GPHN: variants seen among roughly 807,000 people sequenced by gnomAD.
The protein encoded by GPHN is gephyrin.
A neutral mutation model predicts 95.5 loss-of-function variants in GPHN; 17 were observed. The observed-to-expected ratio is 0.18, with a 90% CI of 0.12 to 0.27. The LOEUF (loss-of-function observed/expected upper bound fraction) is 0.27, where lower values mean the gene tolerates loss of function less well. Ranked by LOEUF, GPHN falls within the 10% of genes least tolerant of loss-of-function variation. GPHN has a pLI of 1.00. For missense variants in GPHN, 660 were observed against 978.1 expected (o/e 0.67, Z 4.34); for synonymous variants, 320 against 322.5 (o/e 0.99, Z 0.08).
At chr14:66,519,170 TTA>T (rs2058373426) in intron 1 of GPHN, among the ~76,000 whole-genome samples, 1 of 152,012 alleles carries the variant, frequency 6.6e-6, no homozygotes, top group African/African-American at 2.4e-5. Context: ...TCCTGAATTC[TTA>T]TGTCATTCTT....
At chr14:67,240,359 T>C in the GPHN span, among the ~76,000 whole-genome samples, 6 of 151,868 alleles carry the variant, frequency 4.0e-5, no homozygotes, top group Non-Finnish European at 8.8e-5. Flanking sequence ...CCTGAGGACA[T>C]TGCGAGATGG....
chr14:67,595,131 C>T, the GPHN span, among the ~76,000 whole-genome samples: 2 of 96,864 alleles, frequency 2.1e-5, no homozygotes, highest in African/African-American at 6.2e-5. Flanking sequence ...AGCGAGACTC[C>T]GTCTAAAAAA....
intron 2 of GPHN, among the ~76,000 whole-genome samples, chr14:66,689,968 G>GACCAACCAA (rs2153405970): frequency 1.3e-5 from 2 of 151,684 alleles, no homozygotes; most frequent in African/African-American, 4.8e-5. Context: ...CTAGCTAGTA[G>GACCAACCAA]TTTGGCAATT....
At chr14:67,564,464 C>CT in the GPHN span, among the ~76,000 whole-genome samples, 23 of 151,946 alleles carry the variant, frequency 1.5e-4, no homozygotes, top group African/African-American at 4.6e-4. Flanking sequence ...TGAGATCATT[C>CT]TTTTTTTAAC....
At chr14:67,183,899 C>T (rs565977378), downstream of GPHN, among the ~76,000 whole-genome samples, 1 of 151,918 alleles carries the variant, frequency 6.6e-6, no homozygotes, top group Non-Finnish European at 1.5e-5. Flanking sequence ...GTCGCCCAGG[C>T]TGGAGTGCAG....
chr14:67,338,347 C>G, the GPHN span: 1 of 308,462 alleles, frequency 3.2e-6, no homozygotes, highest in South Asian at 7.6e-5. Flanking sequence ...AAGCAGATCA[C>G]GTGTAACACA....
chr14:67,034,737 A>G (rs1402199489), intron 10 of GPHN, among the ~76,000 whole-genome samples: 1 of 152,148 alleles, frequency 6.6e-6, no homozygotes, highest in Non-Finnish European at 1.5e-5. Context: ...ATATATAACA[A>G]TTATAAATTA....
chr14:67,337,490 G>T, the GPHN span: 10 of 151,400 alleles, frequency 6.6e-5, no homozygotes, highest in African/African-American at 2.4e-4. Flanking sequence ...TCTAGCCTGG[G>T]CTACAGAATG....
At chr14:67,126,484 G>T (rs1026498614) in intron 17 of GPHN, among the ~76,000 whole-genome samples, 17 of 152,130 alleles carry the variant, frequency 1.1e-4, no homozygotes, top group African/African-American at 4.1e-4. Flanking sequence ...AATCCAAGTA[G>T]GAAACTGAAT....
the GPHN span, among the ~76,000 whole-genome samples, chr14:67,453,804 G>A: frequency 1.3e-5 from 2 of 152,332 alleles, no homozygotes; most frequent in African/African-American, 2.4e-5. Flanking sequence ...GAGCTCAGCC[G>A]TGAGTGTCAG....
At chr14:66,570,709 G>A (rs1404013641) in intron 1 of GPHN, among the ~76,000 whole-genome samples, 1 of 152,070 alleles carries the variant, frequency 6.6e-6, no homozygotes, top group Non-Finnish European at 1.5e-5. Context: ...TTCCATTGTG[G>A]CTGTACTAAT....
chr14:66,556,434 G>A (rs1004753252), intron 1 of GPHN, among the ~76,000 whole-genome samples: 28 of 152,252 alleles, frequency 1.8e-4, no homozygotes, highest in African/African-American at 6.7e-4. Context: ...TTTCCATCCA[G>A]TTCTCTTTCT....
At chr14:67,174,365 A>C (rs1235014303) in intron 21 of GPHN, among the ~76,000 whole-genome samples, 1 of 152,142 alleles carries the variant, frequency 6.6e-6, no homozygotes, top group African/African-American at 2.4e-5. Context: ...TTTGCTGAGA[A>C]TGATGGTTTC....
chr14:67,177,031 C>T (rs1421555054), intron 21 of GPHN, among the ~76,000 whole-genome samples: 3 of 152,134 alleles, frequency 2.0e-5, no homozygotes, highest in Non-Finnish European at 4.4e-5. Flanking sequence ...AAACCAGCTC[C>T]TGGATTCACT....
At chr14:66,995,662 T>C (rs1003546583) in intron 9 of GPHN, among the ~76,000 whole-genome samples, 1 of 152,212 alleles carries the variant, frequency 6.6e-6, no homozygotes, top group South Asian at 2.1e-4. Flanking sequence ...GCATTTCTGA[T>C]TCTTCTACTG....
the GPHN span, chr14:67,352,869 G>T: frequency 8.4e-7 from 1 of 1,197,014 alleles, no homozygotes; most frequent in Non-Finnish European, 1.2e-6. Flanking sequence ...AAATGCCAAG[G>T]GCCATGCTGG....
At chr14:66,545,494 GCT>G (rs2059534143) in intron 1 of GPHN, among the ~76,000 whole-genome samples, 3 of 125,138 alleles carry the variant, frequency 2.4e-5, no homozygotes, top group African/African-American at 1.1e-4. Flanking sequence ...GGACGGGGCG[GCT>G]GGCCGGGCGG....
intron 4 of GPHN, among the ~76,000 whole-genome samples, chr14:66,833,379 T>G (rs1281675629): frequency 6.6e-6 from 1 of 152,098 alleles, no homozygotes; most frequent in African/African-American, 2.4e-5. Context: ...ATTAAATTAT[T>G]AGTACCTCCC....
chr14:67,709,342 A>G, the GPHN span, among the ~76,000 whole-genome samples: 1 of 152,228 alleles, frequency 6.6e-6, no homozygotes, highest in Non-Finnish European at 1.5e-5. Flanking sequence ...AAACAGCATG[A>G]AGCCAATTAA....
Sources: gnomAD v4.1 joint callset for allele counts (sites outside exome capture counted in the v4.1 genomes callset) on GRCh38, gnomAD v4.1.1 for gene constraint, MANE v1.5 for transcripts, NCBI Gene and HGNC (gene_info 2026-07-23, HGNC 2026-07-21) for gene names.